ITPR1: variants seen among roughly 807,000 people sequenced by gnomAD.
ITPR1 encodes the protein inositol 1,4,5-trisphosphate-gated calcium channel ITPR1.
A neutral mutation model predicts 318.4 loss-of-function variants in ITPR1; 96 were observed. The ratio of observed to expected loss-of-function variants is 0.30; its 90% CI spans 0.26 to 0.36. The LOEUF (loss-of-function observed/expected upper bound fraction) is 0.36, where lower values mean the gene tolerates loss of function less well. Ranked by LOEUF, ITPR1 falls within the 10% of genes least tolerant of loss-of-function variation. ITPR1 has a pLI of 1.00. For synonymous variants in ITPR1, 1,312 were observed against 1,289.9 expected, an observed-to-expected ratio of 1.02 and a Z score of -0.37; for missense variants, 2,440 against 3,460.2, an observed-to-expected ratio of 0.71 and a Z score of 7.40.
intron 44 of ITPR1, among the ~76,000 whole-genome samples, chr3:4,756,319 G>C (rs1264728726): frequency 7.0e-6 from 1 of 142,662 alleles, no homozygotes; most frequent in East Asian, 2.0e-4. Context: ...TGAAATTTCA[G>C]CCAAATTTTT....
At chr3:4,566,737 A>G (rs994031428) in intron 4 of ITPR1, among the ~76,000 whole-genome samples, 2 of 152,098 alleles carry the variant, frequency 1.3e-5, no homozygotes, top group African/African-American at 2.4e-5. Flanking sequence ...CATTGTTCCC[A>G]TACAACTCTG....
chr3:4,763,202 G>A lies in ITPR1; in HGVS notation c.5545-3328G>A, dbSNP rs35020729. On this transcript the variant is annotated intron_variant, in intron 44 of 61. Coordinates refer to ENST00000649015, the MANE Select transcript of ITPR1 (RefSeq NM_001378452.1). ...AACAACACACACTGGGTCCTGTTGG[G>A]GGAGGCAGGAGTTGGGGGAGAGCAT... Among the ~76,000 whole-genome samples the A allele has an allele frequency of 4.1e-3, 629 of 152,204 alleles. 6 individuals carry two copies. The highest frequency in any genetic ancestry group is 6.8e-3 in the Middle Eastern group (2 of 292).
At chr3:4,807,147 A>AGAGGGGGG (rs2048624846) in intron 55 of ITPR1, among the ~76,000 whole-genome samples, 1 of 5,180 alleles carries the variant, frequency 1.9e-4, no homozygotes, top group Admixed American at 3.4e-3. Context: ...GAGAGGGGGG[A>AGAGGGGGG]CTTACAAAGA....
At chr3:4,612,032 T>C (rs944492409) in intron 4 of ITPR1, among the ~76,000 whole-genome samples, 1 of 146,042 alleles carries the variant, frequency 6.8e-6, no homozygotes. Context: ...ATAATACAAA[T>C]AAAATTATAG....
At chr3:4,522,670 A>C (rs1183490909) in intron 4 of ITPR1, among the ~76,000 whole-genome samples, 1 of 152,234 alleles carries the variant, frequency 6.6e-6, no homozygotes, top group Non-Finnish European at 1.5e-5. Context: ...TGAGTGCTGC[A>C]AAAATGAAAT....
At chr3:4,600,564 C>T (rs774920116) in intron 4 of ITPR1, among the ~76,000 whole-genome samples, 15 of 152,022 alleles carry the variant, frequency 9.9e-5, no homozygotes, top group Admixed American at 7.2e-4. Context: ...TTTTTCGCCT[C>T]TAAATTGAGA....
In ITPR1 at chr3:4,783,906, A is replaced by G; in HGVS notation, c.6601A>G (p.Thr2201Ala). ...AGCCCTGGAGTTTTATGCCAAGCAC[A>G]CGGCGCAGATAGAGGTAAAAGCTGA... is the stretch of plus-strand genomic sequence containing the variant. ...DEALEFYAKHTAQIEIVRLDR... is the reference protein window; with the variant it reads ...DEALEFYAKHAAQIEIVRLDR... The change falls in exon 51 of 62, where the codon ACG (threonine) becomes GCG (alanine). Residue 2201 changes from threonine to alanine, a missense_variant. By Grantham distance (58) the Thr-to-Ala change is moderately conservative. This residue lies in a region of ITPR1 where 115 missense variants were observed against 204.5 expected (regional missense o/e 0.56). Coordinates refer to ENST00000649015, the MANE Select transcript of ITPR1 (RefSeq NM_001378452.1). The G allele has an allele frequency of 1.2e-6, 2 of 1,606,036 alleles. No homozygotes were observed.
chr3:4,705,797 C>G (rs1278154243), intron 36 of ITPR1, among the ~76,000 whole-genome samples: 3 of 152,160 alleles, frequency 2.0e-5, no homozygotes, highest in African/African-American at 7.2e-5. Flanking sequence ...AAATAACTAG[C>G]AAATGATTCA....
Position 4,637,269 on chromosome 3 carries a change from C to G in ITPR1, c.280-2115C>G, listed in dbSNP as rs9790063. Among the ~76,000 whole-genome samples, 144 of 152,314 alleles carry G rather than the reference C, an allele frequency of 9.5e-4. 6 individuals are homozygous for G. In the East Asian group the frequency reaches 0.027, roughly 28 times the overall value. On this transcript the variant is annotated intron_variant, in intron 5 of 61. Transcript: ENST00000649015. Reference sequence around the variant, plus strand: ...TCAGTGTTAGCTGAGAACTCTTAAGCAGAAAGAACAAATGGCTCTCCGCAA... The same window carrying G: ...TCAGTGTTAGCTGAGAACTCTTAAGGAGAAAGAACAAATGGCTCTCCGCAA...
chr3:4,526,542 T>C (rs1392023217), intron 4 of ITPR1, among the ~76,000 whole-genome samples: 2 of 152,088 alleles, frequency 1.3e-5, no homozygotes, highest in Admixed American at 6.5e-5. Flanking sequence ...CTTTCAGGAG[T>C]CTTAGAGTTT....
At position 4,676,567 on chromosome 3, in the gene ITPR1, C is replaced by T; in HGVS notation, c.2780-47C>T. ...CTGCCCCTTGACATATGCCTCTGAG[C>T]ATTCTCTAGAGACATTGTGACCGTG... On this transcript the variant is annotated intron_variant, in intron 23 of 61. Coordinates refer to ENST00000649015, the MANE Select transcript of ITPR1 (RefSeq NM_001378452.1). The T allele has an allele frequency of 4.8e-6, 7 of 1,452,918 alleles. No individual in the cohort carries two copies. In the South Asian group the frequency reaches 7.1e-5, roughly 15 times the overall value. 90.0% of individuals were successfully genotyped at this position (1,452,918 alleles called of 1,614,324 possible). A position where few individuals can be genotyped will look rare whatever the true frequency, so the allele number is the denominator to read the frequency against.
At chr3:4,539,801 T>C (rs1027152417) in intron 4 of ITPR1, among the ~76,000 whole-genome samples, 4 of 152,148 alleles carry the variant, frequency 2.6e-5, no homozygotes, top group Admixed American at 6.5e-5. Context: ...CCCATCGCCA[T>C]GGGATACCCT....
chr3:4,609,064 A>G (rs1354764922), intron 4 of ITPR1, among the ~76,000 whole-genome samples: 6 of 84,332 alleles, frequency 7.1e-5, no homozygotes, highest in Non-Finnish European at 1.2e-4. Flanking sequence ...ATATATATAT[A>G]TATATATATA....
intron 61 of ITPR1, among the ~76,000 whole-genome samples, chr3:4,840,029 CT>C (rs56096727): frequency 2.9e-3 from 302 of 104,672 alleles, no homozygotes; most frequent in African/African-American, 0.012. Context: ...AGCATAGCTG[CT>C]TTTTTTTTTT....
intron 47 of ITPR1, among the ~76,000 whole-genome samples, chr3:4,776,201 C>G (rs980655634): frequency 4.6e-5 from 7 of 152,206 alleles, no homozygotes; most frequent in Non-Finnish European, 1.0e-4. Flanking sequence ...TCCCTAGTAG[C>G]TGGGACTACA....
intron 45 of ITPR1, 131 bp from the exon 46 acceptor site, chr3:4,768,376 CTTCT>C: frequency 9.7e-7 from 1 of 1,032,334 alleles, no homozygotes; most frequent in Non-Finnish European, 1.4e-6. Flanking sequence ...CAGATTGTGA[CTTCT>C]TTGAGTGTTT....
At chr3:4,744,801 C>T (rs1575097780) in intron 44 of ITPR1, among the ~76,000 whole-genome samples, 1 of 152,158 alleles carries the variant, frequency 6.6e-6, no homozygotes, top group Non-Finnish European at 1.5e-5. Context: ...ATCCTAAGTC[C>T]CAAGATATGT....
At chr3:4,665,946 G>T (rs565157088) in intron 17 of ITPR1, among the ~76,000 whole-genome samples, 1 of 152,228 alleles carries the variant, frequency 6.6e-6, no homozygotes, top group South Asian at 2.1e-4. Context: ...AACATCTGGA[G>T]ACCCTTTTGA....
chr3:4,769,422 C>A (rs2046041841), intron 46 of ITPR1, among the ~76,000 whole-genome samples: 1 of 152,076 alleles, frequency 6.6e-6, no homozygotes, highest in Admixed American at 6.5e-5. Context: ...GGATGGATGG[C>A]TAGATAATTA....
Sources: gnomAD v4.1 joint callset for allele counts (sites outside exome capture counted in the v4.1 genomes callset) on GRCh38, gnomAD v4.1.1 for gene constraint, gnomAD v4.1.1 regional missense constraint, MANE v1.5 for transcripts, NCBI Gene and HGNC (gene_info 2026-07-23, HGNC 2026-07-21) for gene names.